The following CDH13 variants were observed in gnomAD, a reference collection of about 807,000 sequenced individuals.
CDH13 encodes the protein cadherin-13.
Under a neutral mutation model 63.8 loss-of-function variants are expected in CDH13, and 24 were observed. That is an observed-to-expected ratio of 0.38 (90% CI 0.27 to 0.53). CDH13 has a LOEUF of 0.53. Ranked by LOEUF, CDH13 falls within the 20% of genes least tolerant of loss-of-function variation. CDH13 has a pLI of 0.85. For synonymous variants in CDH13, 503 were observed against 355.3 expected, an observed-to-expected ratio of 1.42 and a Z score of -4.67; for missense variants, 1,049 against 903.1, an observed-to-expected ratio of 1.16 and a Z score of -2.07.
intron 5 of CDH13, among the ~76,000 whole-genome samples, chr16:83,226,075 C>T (rs540243347): frequency 7.4e-4 from 112 of 152,340 alleles, no homozygotes; most frequent in African/African-American, 2.6e-3. Flanking sequence ...AAACGCTTGT[C>T]TTCTGAGTGC....
At chr16:83,102,645 C>T (rs1203567668) in intron 3 of CDH13, among the ~76,000 whole-genome samples, 2 of 152,080 alleles carry the variant, frequency 1.3e-5, no homozygotes, top group African/African-American at 2.4e-5. Context: ...GCTCTGGCCA[C>T]CCTGGGGGAG....
intron 2 of CDH13, among the ~76,000 whole-genome samples, chr16:82,915,085 T>C (rs1431669291): frequency 6.6e-6 from 1 of 152,242 alleles, no homozygotes; most frequent in Admixed American, 6.5e-5. Context: ...AATCCAGTGA[T>C]GAAATGTAAC....
At chr16:82,659,921 C>G (rs1054752873) in intron 1 of CDH13, among the ~76,000 whole-genome samples, 20 of 152,222 alleles carry the variant, frequency 1.3e-4, no homozygotes, top group African/African-American at 4.6e-4. Context: ...CAGACATTGT[C>G]AAGTGTCTCC....
chr16:83,532,260 G>A lies in CDH13; in HGVS notation c.960+45605G>A, dbSNP rs554973793. On this transcript the variant is annotated intron_variant, in intron 7 of 13. Coordinates refer to ENST00000567109, the MANE Select transcript of CDH13 (RefSeq NM_001257.5). ...TTATCAACAGTGTGAAAACAGACTA[G>A]TACAAGCTCATACAGTGTAGAAGTC... Among the ~76,000 whole-genome samples, 4 of 152,238 alleles carry A rather than the reference G, an allele frequency of 2.6e-5. No homozygotes were observed. In the East Asian group the frequency reaches 7.7e-4, roughly 29 times the overall value.
At chr16:83,467,749 A>G (rs1258529767) in intron 6 of CDH13, among the ~76,000 whole-genome samples, 1 of 152,134 alleles carries the variant, frequency 6.6e-6, no homozygotes, top group Non-Finnish European at 1.5e-5. Context: ...CTCAGGACCC[A>G]ACCCACCACA....
chr16:83,269,222 A>T (rs2088720749), intron 5 of CDH13, among the ~76,000 whole-genome samples: 1 of 152,244 alleles, frequency 6.6e-6, no homozygotes, highest in South Asian at 2.1e-4. Context: ...ATAATTGCAG[A>T]GAACTCACCA....
At chr16:82,805,886 C>T (rs1212838809) in intron 1 of CDH13, among the ~76,000 whole-genome samples, 1 of 152,174 alleles carries the variant, frequency 6.6e-6, no homozygotes, top group Non-Finnish European at 1.5e-5. Flanking sequence ...AGACAACTGT[C>T]TGTCTTTTAA....
At chr16:83,327,629 G>A (rs992698594) in intron 5 of CDH13, among the ~76,000 whole-genome samples, 8 of 152,190 alleles carry the variant, frequency 5.3e-5, no homozygotes, top group African/African-American at 1.7e-4. Context: ...CTGTTCAGTA[G>A]GCCTGTAGCA....
chr16:82,879,083 G>C (rs1438631410), intron 2 of CDH13, among the ~76,000 whole-genome samples: 1 of 152,094 alleles, frequency 6.6e-6, no homozygotes, highest in Non-Finnish European at 1.5e-5. Flanking sequence ...TCCATATTCT[G>C]GTGGGATAAG....
At chr16:83,300,789 T>C (rs1476351765) in intron 5 of CDH13, among the ~76,000 whole-genome samples, 1 of 152,204 alleles carries the variant, frequency 6.6e-6, no homozygotes, top group East Asian at 1.9e-4. Flanking sequence ...ATTTTAAAAT[T>C]ATCCAGCTGC....
At chr16:83,788,576 C>G (rs1195233274) in intron 13 of CDH13, among the ~76,000 whole-genome samples, 2 of 152,004 alleles carry the variant, frequency 1.3e-5, no homozygotes, top group Non-Finnish European at 2.9e-5. Flanking sequence ...TGACAATCAT[C>G]AGCAGGTTGC....
intron 2 of CDH13, among the ~76,000 whole-genome samples, chr16:82,970,862 T>G (rs191120990): frequency 1.4e-4 from 22 of 152,362 alleles, no homozygotes; most frequent in Admixed American, 1.1e-3. Flanking sequence ...TTATTAAAAT[T>G]ATTGCAAGAG....
intron 2 of CDH13, among the ~76,000 whole-genome samples, chr16:82,961,583 A>C (rs1425267499): frequency 1.3e-5 from 2 of 151,424 alleles, no homozygotes; most frequent in Non-Finnish European, 2.9e-5. Flanking sequence ...AAAAAAAAAA[A>C]AAAAAAAAAA....
intron 6 of CDH13, among the ~76,000 whole-genome samples, chr16:83,369,127 T>A (rs137874420): frequency 5.3e-5 from 8 of 151,680 alleles, no homozygotes; most frequent in African/African-American, 1.9e-4. Flanking sequence ...TTTAGTTCTT[T>A]AAGGAATCTC....
At chr16:83,682,617 C>A (rs748674013) in intron 10 of CDH13, among the ~76,000 whole-genome samples, 1 of 152,128 alleles carries the variant, frequency 6.6e-6, no homozygotes, top group African/African-American at 2.4e-5. Flanking sequence ...CCCGAGAACA[C>A]GGTCACTTCC....
intron 3 of CDH13, among the ~76,000 whole-genome samples, chr16:83,080,733 G>C (rs758013374): frequency 1.3e-5 from 2 of 151,932 alleles, no homozygotes; most frequent in Non-Finnish European, 2.9e-5. Context: ...AGGCGGCAAT[G>C]GGGGGTGACT....
At chr16:83,395,126 C>T (rs544432506) in intron 6 of CDH13, among the ~76,000 whole-genome samples, 10 of 131,064 alleles carry the variant, frequency 7.6e-5, no homozygotes, top group East Asian at 4.6e-4. Context: ...CCAGCCTGGA[C>T]GACAGAGCGA....
chr16:83,237,541 T>C (rs554358160), intron 5 of CDH13, among the ~76,000 whole-genome samples: 39 of 152,368 alleles, frequency 2.6e-4, no homozygotes, highest in Middle Eastern at 3.4e-3. Flanking sequence ...AGTGCAGCTG[T>C]AGAACTGAGT....
chr16:82,648,118 C>T (rs1910314935), intron 1 of CDH13, among the ~76,000 whole-genome samples: 1 of 152,162 alleles, frequency 6.6e-6, no homozygotes, highest in Admixed American at 6.5e-5. Flanking sequence ...ACTGTGTGTC[C>T]ATTAAAACTC....
Sources: gnomAD v4.1 joint callset for allele counts (sites outside exome capture counted in the v4.1 genomes callset) on GRCh38, gnomAD v4.1.1 for gene constraint, MANE v1.5 for transcripts, NCBI Gene and HGNC (gene_info 2026-07-23, HGNC 2026-07-21) for gene names.